The following KCNH4 variants were observed in gnomAD, a reference collection of about 807,000 sequenced individuals.
KCNH4 encodes voltage-gated delayed rectifier potassium channel KCNH4.
A neutral mutation model predicts 90.7 loss-of-function variants in KCNH4; 33 were observed. The ratio of observed to expected loss-of-function variants is 0.36; its 90% CI spans 0.28 to 0.49. The LOEUF is 0.49. Among genes scored for constraint, KCNH4 ranks in the 20% least tolerant of loss-of-function variants. The probability of loss-of-function intolerance (pLI) is 0.98; values close to 1 mark genes in which losing one functional copy is unlikely to be tolerated. For synonymous variants in KCNH4, 551 were observed against 581.7 expected (o/e 0.95, Z 0.76); for missense variants, 1,044 against 1,387.1 (o/e 0.75, Z 3.93).
Position 42,178,891 on chromosome 17 carries a change from T to C in KCNH4, c.212A>G (p.Tyr71Cys), listed in dbSNP as rs1230704821. The change falls in exon 2 of 17, where the codon TAC becomes TGC. Residue 71 changes from tyrosine (Y) to cysteine (C), a missense_variant. Tyr to Cys is a radical substitution (Grantham distance 194). Transcript: ENST00000264661. The stretch of plus-strand genomic sequence containing the variant: ...GGCTGGCTCACTGGTCTCTGGGCCG[T>C]AGAGGAAACGGCAGCTGCAGGTCTT... ...MQKTCSCRFL[Y>C]GPETSEPALQ... The C allele has an allele frequency of 1.2e-6, 2 of 1,614,032 alleles. No individual in the cohort carries two copies. The highest frequency in any genetic ancestry group is 2.7e-5 in the African/African-American group (2 of 74,922).
At chr17:42,178,030 A>C (rs2079874044) in intron 4 of KCNH4, 70 bp downstream of exon 4, 3 of 1,564,818 alleles carry the variant, frequency 1.9e-6, no homozygotes, top group Non-Finnish European at 2.6e-6. Context: ...AAGTGGGGAG[A>C]CAGTGGCAGG....
chr17:42,168,864 C>T (rs930746062), intron 9 of KCNH4, among the ~76,000 whole-genome samples: 2 of 151,650 alleles, frequency 1.3e-5, no homozygotes, highest in Admixed American at 6.6e-5. Context: ...CTCCGCCTCC[C>T]GGGTTCATGC....
In KCNH4 at chr17:42,159,800, A is replaced by G. The variant is rs1018022625; in HGVS notation, c.*240T>C. 5 of 388,570 alleles carry G rather than the reference A, an allele frequency of 1.3e-5. No homozygotes were observed. Among genetic ancestry groups the G allele is most frequent in the Non-Finnish European group, 2.3e-5 (5 of 218,888 alleles). 24.1% of individuals were successfully genotyped at this position (388,570 alleles called of 1,614,324 possible). A position where few individuals can be genotyped will look rare whatever the true frequency, so the allele number is the denominator to read the frequency against. ...CCCAATGGGCACTGCGGTTCATCTC[A>G]TGCCTGCTGGGTTCCACAGCCCTCA... On this transcript the variant is annotated 3_prime_UTR_variant, in exon 16 of 17. Transcript: ENST00000264661.
chr17:42,165,920 G>A (rs1016429592), intron 10 of KCNH4, among the ~76,000 whole-genome samples: 1 of 152,180 alleles, frequency 6.6e-6, no homozygotes, highest in Non-Finnish European at 1.5e-5. Flanking sequence ...CCAGAGGAAC[G>A]ATCAGTGGAA....
chr17:42,175,515 T>C, intron 6 of KCNH4, 64 bp downstream of exon 6: 1 of 1,593,528 alleles, frequency 6.3e-7, no homozygotes, highest in Admixed American at 1.7e-5. Context: ...GGTCAGTCCC[T>C]TCCTGGAAGA....
rs769396326 is a variant in KCNH4 at position 42,163,281 on chromosome 17, C to G, written c.2531G>C (p.Arg844Pro). 22 of 1,613,980 alleles carry G rather than the reference C, an allele frequency of 1.4e-5. No individual in the cohort carries two copies. Among genetic ancestry groups the G allele is most frequent in the South Asian group, 3.3e-5 (3 of 91,090 alleles). The change falls in exon 14 of 17, where the codon CGA becomes CCA. Residue 844 changes from arginine (R) to proline (P), a missense_variant. Arg to Pro is a moderately radical substitution (Grantham distance 103). Transcript: ENST00000264661. The surrounding 1 kb of genome is among the most constrained non-coding windows in gnomAD (Gnocchi z 5.4). The stretch of plus-strand genomic sequence containing the variant: ...TGGCAGTTCAGGCCTCCTGCTGAAT[C>G]GGAATGAAGGGGCCTCAGCTGTGCT... ...SGSTAEAPSF[R>P]FSRRPELPRP...
At chr17:42,176,009 TC>T (rs764478888) in intron 5 of KCNH4, 44 bp downstream of exon 5, 1 of 1,555,648 alleles carries the variant, frequency 6.4e-7, no homozygotes, top group Non-Finnish European at 8.7e-7. Flanking sequence ...GCCAAGTGGA[TC>T]CCCCCAGCCG....
intron 8 of KCNH4, 34 bp from the exon 9 acceptor site, chr17:42,169,710 C>T: frequency 6.2e-7 from 1 of 1,604,430 alleles, no homozygotes. Context: ...TCAGGGGCGG[C>T]CACCCCTCTG....
chr17:42,176,509 CTTTTTTTTTTTTTTTTTT>C lies in KCNH4; in HGVS notation c.586-230_586-213del, dbSNP rs869250233. Among the ~76,000 whole-genome samples the C allele has an allele frequency of 5.3e-3, 366 of 68,462 alleles. 1 individual carries two copies. Among genetic ancestry groups the C allele is most frequent in the South Asian group, 0.016 (33 of 2,012 alleles). The allele number at this position is 68,462 out of a possible 152,430, so 44.9% of individuals were successfully genotyped here. A position where few individuals can be genotyped will look rare whatever the true frequency, so the allele number is the denominator to read the frequency against. On this transcript the variant is annotated intron_variant, in intron 4 of 16. Coordinates refer to ENST00000264661, the MANE Select transcript of KCNH4 (RefSeq NM_012285.3). ...GCCAAGTATTTCCCAGGCCCTCCTC[CTTTTTTTTTTTTTTTTTT>C]TTTTTTTTTTTTTTGAGATAGGGTC...
chr17:42,166,250 CG>C (rs34595348), intron 10 of KCNH4, 46 bp downstream of exon 10: 17 of 1,537,268 alleles, frequency 1.1e-5, no homozygotes, highest in South Asian at 7.4e-5. Context: ...GTGGGGGTTG[CG>C]GGGGGTGGTT....
chr17:42,178,285 C>G (rs202228114), intron 3 of KCNH4, 46 bp downstream of exon 3: 1 of 1,613,992 alleles, frequency 6.2e-7, no homozygotes. Context: ...GCTGGTTAGG[C>G]GAAGGCTTCT....
chr17:42,175,498 G>T, intron 6 of KCNH4, 81 bp downstream of exon 6: 4 of 1,481,988 alleles, frequency 2.7e-6, no homozygotes, highest in Non-Finnish European at 3.8e-6. Flanking sequence ...GGCATATCTG[G>T]GTTTGGGGTC....
chr17:42,178,835 G>A lies in KCNH4; in HGVS notation c.268C>T (p.His90Tyr). The change falls in exon 2 of 17, where the codon CAC becomes TAC. Residue 90 changes from histidine to tyrosine, a missense_variant. His to Tyr is a moderately conservative substitution (Grantham distance 83). Around this residue, in one of 4 missense-constraint regions of KCNH4, gnomAD observed 283 missense variants for 378.6 expected, o/e 0.75. Transcript: ENST00000264661. Reference sequence around the variant, plus strand: ...CAGATTTCAGCCCGGTGCTCCTGGTGGCCCTCCAGGGCTTTGTGCAGACGC... The same window carrying A: ...CAGATTTCAGCCCGGTGCTCCTGGTAGCCCTCCAGGGCTTTGTGCAGACGC... ...LQRLHKALEG[H>Y]QEHRAEICFY... 1 of 1,614,058 alleles carries A rather than the reference G, an allele frequency of 6.2e-7. No individual in the cohort carries two copies. The highest frequency in any genetic ancestry group is 1.3e-5 in the African/African-American group (1 of 75,068).
In KCNH4 at chr17:42,170,110, C is replaced by T. The variant is rs375006533; in HGVS notation, c.1387G>A (p.Gly463Ser). Residue 463 changes from glycine to serine, a missense_variant, in exon 8 of 17, where the codon GGC becomes AGC. This residue lies in a region of KCNH4 where 318 missense variants were observed against 479.6 expected (regional missense o/e 0.66). Coordinates refer to ENST00000264661, the MANE Select transcript of KCNH4 (RefSeq NM_012285.3). ...GGCGTGGCAGGTCTGGCCTCACCGC[C>T]TATGAGCATCGTGCAGATGGAGAAG... ...KIFSICTMLI[G>S]ALMHAVVFGN... 1.2e-6 allele frequency: 2 copies of T among 1,604,640 alleles called. No homozygotes were observed. The highest frequency in any genetic ancestry group is 1.7e-6 in the Non-Finnish European group (2 of 1,174,920).
At position 42,165,614 on chromosome 17, in the gene KCNH4, T is replaced by C. The variant is rs748490097; in HGVS notation, c.1920A>G (p.Leu640=). The change falls in exon 11 of 17, where the codon CTA becomes CTG. Residue 640 remains leucine, a synonymous_variant. Coordinates refer to ENST00000264661, the MANE Select transcript of KCNH4 (RefSeq NM_012285.3). The stretch of plus-strand genomic sequence containing the variant: ...GAGCTTTCACATCAGCACTGGTCTT[T>C]AGCACGAAGTTTGGGTCTGCTCCCA... ...PGLGADPNFV[L]KTSADVKALT... is the part of the protein sequence containing the mutation. 2 of 1,614,196 alleles carry C rather than the reference T, an allele frequency of 1.2e-6. No individual in the cohort carries two copies. The highest frequency in any genetic ancestry group is 3.3e-5 in the Admixed American group (2 of 60,026).
chr17:42,174,865 T>TG (rs1191511347), intron 6 of KCNH4, among the ~76,000 whole-genome samples: 1 of 152,186 alleles, frequency 6.6e-6, no homozygotes, highest in Admixed American at 6.5e-5. Context: ...TGTCTAGGTT[T>TG]ACTATGCTCC....
intron 4 of KCNH4, among the ~76,000 whole-genome samples, chr17:42,177,503 ACT>A (rs2079870649): frequency 6.6e-6 from 1 of 152,000 alleles, no homozygotes; most frequent in Non-Finnish European, 1.5e-5. Context: ...CTGGCCCAAC[ACT>A]CATCCTACTT....
chr17:42,160,375 G>A lies in KCNH4; in HGVS notation c.2719C>T (p.Leu907=), dbSNP rs1353180263. The A allele has an allele frequency of 6.2e-7, 1 of 1,613,430 alleles. No individual in the cohort carries two copies. Among genetic ancestry groups the A allele is most frequent in the Non-Finnish European group, 8.5e-7 (1 of 1,179,526 alleles). ...GGGGGACCCAGCCTGGCCTGCAGCA[G>A]GCCCATGATGTGCCGCAGCTCCCGG... ...LSRELRHIMG[L]LQARLGPPGH... Residue 907 remains leucine (L), a synonymous_variant, in exon 16 of 17, where the codon CTG becomes TTG. Coordinates refer to ENST00000264661, the MANE Select transcript of KCNH4 (RefSeq NM_012285.3).
intron 16 of KCNH4, among the ~76,000 whole-genome samples, chr17:42,158,055 C>T (rs534745011): frequency 6.6e-6 from 1 of 151,944 alleles, no homozygotes; most frequent in Admixed American, 6.6e-5. Context: ...CAGCCTCCCG[C>T]GAAGCTGGGA....
Sources: gnomAD v4.1 joint callset for allele counts (sites outside exome capture counted in the v4.1 genomes callset) on GRCh38, gnomAD v4.1.1 for gene constraint, gnomAD v4.1.1 regional missense constraint, Gnocchi (gnomAD v3.1) non-coding constraint, MANE v1.5 for transcripts, NCBI Gene and HGNC (gene_info 2026-07-23, HGNC 2026-07-21) for gene names.